Variants in NBN observed in about 807,000 individuals in gnomAD.
The protein encoded by NBN is Nijmegen breakage syndrome 1 (nibrin).
NBN carries 88 observed loss-of-function variants against 90.8 expected under a neutral mutation model. The ratio of observed to expected loss-of-function variants is 0.97; its 90% CI spans 0.82 to 1.16. The LOEUF (loss-of-function observed/expected upper bound fraction) is 1.16, where lower values mean the gene tolerates loss of function less well. Among genes scored for constraint, NBN ranks in the 50% most tolerant of loss-of-function variants. NBN has a pLI of 0.00. For missense variants in NBN, 894 were observed against 869.6 expected (o/e 1.03, Z -0.35); for synonymous variants, 328 against 295.1 (o/e 1.11, Z -1.14).
intron 9 of NBN, among the ~76,000 whole-genome samples, chr8:89,956,729 G>A (rs1050995001): frequency 2.6e-5 from 4 of 152,178 alleles, no homozygotes; most frequent in Non-Finnish European, 4.4e-5. Context: ...ACTACAGCCT[G>A]TAGGCCAAAT....
rs781128583 is a variant in NBN, at chr8:89,958,711, T to G, written c.1124+14A>C. ...TAGAATAATAACAATAGTACGGTAA[T>G]GAAGAAGCTTTACCATGTATCTGCT... On this transcript the variant is annotated intron_variant, in intron 9 of 15. Transcript: ENST00000265433. 1 of 1,611,714 alleles carries G rather than the reference T, an allele frequency of 6.2e-7. No homozygotes were observed. Among genetic ancestry groups the G allele is most frequent in the Admixed American group, 1.7e-5 (1 of 59,994 alleles).
At chr8:89,940,793 CTAAG>C (rs1274847306) in intron 14 of NBN, among the ~76,000 whole-genome samples, 1 of 151,854 alleles carries the variant, frequency 6.6e-6, no homozygotes, top group Non-Finnish European at 1.5e-5. Flanking sequence ...AGAACAAATG[CTAAG>C]TAAAAGAACC....
intron 7 of NBN, among the ~76,000 whole-genome samples, chr8:89,968,647 G>A (rs1379342820): frequency 6.6e-6 from 1 of 151,860 alleles, no homozygotes; most frequent in Non-Finnish European, 1.5e-5. Context: ...TTCTTTGTCT[G>A]GCTCTTTGAA....
At position 89,961,569 on chromosome 8, in the gene NBN, G is replaced by A. The variant is rs1206816592; in HGVS notation, c.995-2715C>T. ...TTTGTAGAATGAGTCAGATTTTGAC[G>A]AGCAGTACTGAACATTCTAGGAATG... On this transcript the variant is annotated intron_variant, in intron 8 of 15. Transcript: ENST00000265433. 8.5e-5 allele frequency among the ~76,000 whole-genome samples: 13 copies of A among 152,184 alleles called. 1 individual carries two copies. Among genetic ancestry groups the A allele is most frequent in the East Asian group, 3.8e-4 (2 of 5,198 alleles).
chr8:89,980,143 T>C (rs1396939189), intron 4 of NBN, among the ~76,000 whole-genome samples: 1 of 152,220 alleles, frequency 6.6e-6, no homozygotes, highest in Non-Finnish European at 1.5e-5. Context: ...AAAGTACAAG[T>C]TGAGTTCCAG....
chr8:89,971,459 C>T (rs1363728928), intron 5 of NBN, 169 bp from the exon 6 acceptor site: 3 of 443,154 alleles, frequency 6.8e-6, no homozygotes, highest in Non-Finnish European at 9.0e-6. Flanking sequence ...AGCATCTAAT[C>T]GCGTTTTCTA....
chr8:89,956,426 A>T (rs1165511916), intron 9 of NBN, among the ~76,000 whole-genome samples: 1 of 152,122 alleles, frequency 6.6e-6, no homozygotes, highest in Non-Finnish European at 1.5e-5. Flanking sequence ...AAATAATATA[A>T]AAGTGCTAAC....
intron 2 of NBN, chr8:89,982,471 C>T (rs1013421315): frequency 3.8e-6 from 2 of 529,782 alleles, no homozygotes; most frequent in Non-Finnish European, 6.7e-6. Context: ...TAACTATGTC[C>T]TACTTCCTCT....
Position 89,978,127 on chromosome 8 carries a change from C to A in NBN, c.584+93G>T, listed in dbSNP as rs1296590440. The A allele has an allele frequency of 4.4e-6, 5 of 1,133,130 alleles. No individual in the cohort carries two copies. The African/African-American group carries it at 7.8e-5, about 18-fold the overall frequency. The allele number at this position is 1,133,130 out of a possible 1,614,324, so 70.2% of individuals were successfully genotyped here. A position where few individuals can be genotyped will look rare whatever the true frequency, so the allele number is the denominator to read the frequency against. ...AACTATAACACAGCAACTATTACAT[C>A]CTGAAACAAGCATTAAAGAGGGAAT... On this transcript the variant is annotated intron_variant, in intron 5 of 15. Coordinates refer to ENST00000265433, the MANE Select transcript of NBN (RefSeq NM_002485.5).
In NBN at chr8:89,946,275, A is replaced by G; in HGVS notation, c.1935T>C (p.Asp645=). 6.3e-7 allele frequency: 1 copy of G among 1,583,560 alleles called. No individual in the cohort carries two copies. Among genetic ancestry groups the G allele is most frequent in the South Asian group, 1.1e-5 (1 of 90,322 alleles). ...GCTTTTTTGGAAGCATCTCACTATC[A>G]TCCTGAAGTTTGTCATTGTTCTTAA... ...KEISNNDKLQ[D]DSEMLPKKLL... The change falls in exon 13 of 16, where the codon GAT becomes GAC. Residue 645 remains aspartate (D), a synonymous_variant. Transcript: ENST00000265433.
At chr8:89,944,718 C>T (rs1195948634) in intron 13 of NBN, among the ~76,000 whole-genome samples, 2 of 152,142 alleles carry the variant, frequency 1.3e-5, no homozygotes, top group Admixed American at 1.3e-4. Context: ...CCTGGGACTA[C>T]AGGCAGACAT....
At chr8:89,968,928 ATCT>A (rs1811376692) in intron 7 of NBN, among the ~76,000 whole-genome samples, 2 of 152,226 alleles carry the variant, frequency 1.3e-5, no homozygotes, top group East Asian at 1.9e-4. Context: ...TATATAGTAT[ATCT>A]TCTTTTTTAC....
rs749918573 is a variant in NBN, at chr8:89,953,375, G to A, written c.1714C>T (p.Pro572Ser). ...VLEQLFKDTK[P>S]ELEIDVKVQK... ...ACTTTCACATCAATTTCTAACTCTGGTTTTGTGTCCTTGAATAACTGTTCC... is the reference window on the plus strand; with the variant it reads ...ACTTTCACATCAATTTCTAACTCTGATTTTGTGTCCTTGAATAACTGTTCC... Residue 572 changes from proline to serine, a missense_variant, in exon 11 of 16, where the codon CCA (proline) becomes TCA (serine). Pro to Ser is a moderately conservative substitution (Grantham distance 74). Coordinates refer to ENST00000265433, the MANE Select transcript of NBN (RefSeq NM_002485.5). 6.2e-7 allele frequency: 1 copy of A among 1,613,448 alleles called. No individual in the cohort carries two copies. Among genetic ancestry groups the A allele is most frequent in the Non-Finnish European group, 8.5e-7 (1 of 1,179,730 alleles).
In NBN at chr8:89,978,295, G is replaced by A. The variant is rs587782411; in HGVS notation, c.509C>T (p.Pro170Leu). 9 of 1,591,980 alleles carry A rather than the reference G, an allele frequency of 5.7e-6. No individual in the cohort carries two copies. The highest frequency in any genetic ancestry group is 7.8e-6 in the Non-Finnish European group (9 of 1,160,350). ...AGTAAAATATTCTGGCTTTACAATT[G>A]GACGTCCACAAATGAGTGCACATAT... ...KTICALICGR[P>L]IVKPEYFTEF... The change falls in exon 5 of 16, where the codon CCA (proline) becomes CTA (leucine). Residue 170 changes from proline (P) to leucine (L), a missense_variant. By Grantham distance (98) the Pro-to-Leu change is moderately conservative. Transcript: ENST00000265433.
intron 12 of NBN, chr8:89,946,671 C>T (rs920064825): frequency 4.5e-5 from 11 of 242,610 alleles, no homozygotes; most frequent in Admixed American, 5.3e-5. Flanking sequence ...AAATTGTACA[C>T]TGAGATTATA....
At chr8:89,953,192 T>C in intron 11 of NBN, 52 bp downstream of exon 11, 1 of 1,321,568 alleles carries the variant, frequency 7.6e-7, no homozygotes, top group Admixed American at 1.7e-5. Flanking sequence ...AAAGTACCTG[T>C]TAGCATTCTA....
In NBN at chr8:89,964,659, C is replaced by T. The variant is rs565609941; in HGVS notation, c.897-152G>A. 27 of 701,382 alleles carry T rather than the reference C, an allele frequency of 3.8e-5. No homozygotes were observed. In the South Asian group the frequency reaches 5.2e-4, roughly 13 times the overall value. 43.4% of individuals were successfully genotyped at this position (701,382 alleles called of 1,614,324 possible). A position where few individuals can be genotyped will look rare whatever the true frequency, so the allele number is the denominator to read the frequency against. On this transcript the variant is annotated intron_variant, in intron 7 of 15. Coordinates refer to ENST00000265433, the MANE Select transcript of NBN (RefSeq NM_002485.5). ...AAATGCAGAGTACTATAATAGCTTA[C>T]TCGCTGGGGCACTGTTACGTTGACA...
Position 89,978,031 on chromosome 8 carries a change from A to T in NBN, c.584+189T>A, listed in dbSNP as rs576795517. Among the ~76,000 whole-genome samples, 9 of 152,334 alleles carry T rather than the reference A, an allele frequency of 5.9e-5. No homozygotes were observed. The East Asian group carries it at 1.7e-3, about 29-fold the overall frequency. ...TTTAACATTTGTTTCAGAGATACAG[A>T]ATAACCAACAAAGAAATTTGGGGAA... On this transcript the variant is annotated intron_variant, in intron 5 of 15. Transcript: ENST00000265433.
intron 4 of NBN, among the ~76,000 whole-genome samples, chr8:89,978,783 T>C (rs1352618651): frequency 2.0e-5 from 3 of 152,154 alleles, no homozygotes; most frequent in Non-Finnish European, 4.4e-5. Context: ...AACTATGCAA[T>C]AAAGCCTTTT....
Sources: allele counts gnomAD v4.1 joint callset (sites outside exome capture counted in the v4.1 genomes callset), GRCh38; gene constraint gnomAD v4.1.1; transcripts MANE v1.5; gene names NCBI Gene and HGNC (gene_info 2026-07-23, HGNC 2026-07-21).